Variants in EPHA6 observed in about 807,000 individuals in gnomAD.
The protein encoded by EPHA6 is ephrin type-A receptor 6.
In EPHA6, 50 loss-of-function variants were observed where a neutral mutation model predicts 112.0. That is an observed-to-expected ratio of 0.45 (90% CI 0.36 to 0.56). The LOEUF is 0.56. Among genes scored for constraint, EPHA6 ranks in the 20% least tolerant of loss-of-function variants. EPHA6 has a pLI of 0.00. For synonymous variants in EPHA6, 529 were observed against 490.7 expected (o/e 1.08, Z -1.03); for missense variants, 1,280 against 1,417.4 (o/e 0.90, Z 1.56).
chr3:97,067,137 T>G (rs1051136403), intron 3 of EPHA6, among the ~76,000 whole-genome samples: 1 of 152,136 alleles, frequency 6.6e-6, no homozygotes, highest in Non-Finnish European at 1.5e-5. Context: ...TAATGGTAAA[T>G]TTCCAAAGTG....
chr3:96,821,864 C>CA (rs1165250547), intron 1 of EPHA6, among the ~76,000 whole-genome samples: 2 of 151,754 alleles, frequency 1.3e-5, no homozygotes, highest in Non-Finnish European at 3.0e-5. Context: ...ATTGAGGTTA[C>CA]AAAAAGATTA....
intron 12 of EPHA6, among the ~76,000 whole-genome samples, chr3:97,597,491 G>A (rs964950595): frequency 6.6e-6 from 1 of 152,152 alleles, no homozygotes; most frequent in Non-Finnish European, 1.5e-5. Flanking sequence ...AGATTTGGAT[G>A]AGCCTTATAC....
At chr3:97,500,255 C>G (rs938599687) in intron 10 of EPHA6, among the ~76,000 whole-genome samples, 6 of 151,980 alleles carry the variant, frequency 3.9e-5, no homozygotes, top group Non-Finnish European at 8.8e-5. Context: ...TCTGACATTC[C>G]TAGAAATACC....
intron 7 of EPHA6, among the ~76,000 whole-genome samples, chr3:97,455,250 G>T (rs2090644635): frequency 2.6e-5 from 4 of 152,018 alleles, no homozygotes; most frequent in Admixed American, 2.6e-4. Context: ...CAACATATTT[G>T]TGAGTTCTAA....
intron 6 of EPHA6, among the ~76,000 whole-genome samples, chr3:97,411,215 A>G (rs2087692441): frequency 6.6e-6 from 1 of 152,014 alleles, no homozygotes; most frequent in African/African-American, 2.4e-5. Flanking sequence ...ATGTTGTTCA[A>G]TAAACATCAC....
At chr3:97,119,161 A>G (rs1417184841) in intron 3 of EPHA6, among the ~76,000 whole-genome samples, 2 of 151,984 alleles carry the variant, frequency 1.3e-5, no homozygotes, top group South Asian at 2.1e-4. Context: ...ATCACTTCCA[A>G]TTAATCAGTG....
chr3:97,138,588 A>G (rs1174635795), intron 3 of EPHA6, among the ~76,000 whole-genome samples: 2 of 152,172 alleles, frequency 1.3e-5, no homozygotes, highest in African/African-American at 4.8e-5. Flanking sequence ...ATCACAGCCA[A>G]AGCTTAAGTC....
chr3:96,986,471 G>T (rs145385514), intron 2 of EPHA6, among the ~76,000 whole-genome samples: 1 of 152,064 alleles, frequency 6.6e-6, no homozygotes. Context: ...CTTGCCTCAG[G>T]TTATTTGTAT....
intron 14 of EPHA6, among the ~76,000 whole-genome samples, chr3:97,673,341 G>T (rs954786123): frequency 6.6e-6 from 1 of 152,178 alleles, no homozygotes; most frequent in Non-Finnish European, 1.5e-5. Context: ...GAATGGGATG[G>T]CATGAACATT....
chr3:97,154,503 C>T (rs558893155), intron 3 of EPHA6, among the ~76,000 whole-genome samples: 16 of 152,070 alleles, frequency 1.1e-4, no homozygotes, highest in Non-Finnish European at 1.5e-4. Flanking sequence ...TTTCAAATCT[C>T]TCTTGGAAAT....
At chr3:97,293,843 C>G (rs140393777) in intron 5 of EPHA6, among the ~76,000 whole-genome samples, 4 of 152,198 alleles carry the variant, frequency 2.6e-5, no homozygotes, top group Admixed American at 2.6e-4. Context: ...CTGTCCATGC[C>G]GAGGAGTGCC....
At chr3:96,832,182 G>A (rs944211657) in intron 1 of EPHA6, among the ~76,000 whole-genome samples, 11 of 151,974 alleles carry the variant, frequency 7.2e-5, no homozygotes, top group Admixed American at 1.3e-4. Flanking sequence ...TGTAATTATC[G>A]AAATAACTTC....
intron 3 of EPHA6, among the ~76,000 whole-genome samples, chr3:97,042,584 C>T (rs2045355499): frequency 2.0e-5 from 3 of 152,226 alleles, no homozygotes; most frequent in African/African-American, 7.2e-5. Flanking sequence ...ATTTGTTACA[C>T]ATCTCTATGT....
chr3:97,467,016 C>T (rs548626020), intron 7 of EPHA6, among the ~76,000 whole-genome samples: 3 of 151,704 alleles, frequency 2.0e-5, no homozygotes, highest in African/African-American at 4.8e-5. Context: ...TGGAGAATAC[C>T]ACCCTCCCCC....
intron 2 of EPHA6, among the ~76,000 whole-genome samples, chr3:96,953,311 T>C (rs2041626067): frequency 6.6e-6 from 1 of 152,226 alleles, no homozygotes; most frequent in Admixed American, 6.5e-5. Flanking sequence ...TCACTTAGTG[T>C]TTGTATTATT....
chr3:97,120,924 T>C (rs1167352351), intron 3 of EPHA6, among the ~76,000 whole-genome samples: 1 of 152,000 alleles, frequency 6.6e-6, no homozygotes, highest in Admixed American at 6.6e-5. Context: ...ATTTAATATA[T>C]GAAAAAAATT....
chr3:97,433,195 C>CAA (rs1168806378), intron 6 of EPHA6, among the ~76,000 whole-genome samples: 2 of 152,088 alleles, frequency 1.3e-5, no homozygotes, highest in Non-Finnish European at 2.9e-5. Context: ...CATAGATGAG[C>CAA]ACAGGTATGT....
chr3:97,646,483 G>C (rs529854329), intron 14 of EPHA6, among the ~76,000 whole-genome samples: 15 of 152,230 alleles, frequency 9.9e-5, no homozygotes, highest in African/African-American at 2.6e-4. Flanking sequence ...CGTGCTCTAG[G>C]TCTGACATAT....
chr3:97,182,605 C>A (rs938118985), intron 3 of EPHA6, among the ~76,000 whole-genome samples: 1 of 152,028 alleles, frequency 6.6e-6, no homozygotes, highest in Non-Finnish European at 1.5e-5. Flanking sequence ...GAACTGCATC[C>A]TACTCTTGTG....
Sources: gnomAD v4.1 joint callset for allele counts (sites outside exome capture counted in the v4.1 genomes callset) on GRCh38, gnomAD v4.1.1 for gene constraint, MANE v1.5 for transcripts, NCBI Gene and HGNC (gene_info 2026-07-23, HGNC 2026-07-21) for gene names.